The following NLGN1 variants were observed in gnomAD, a reference collection of about 807,000 sequenced individuals.
NLGN1 encodes neuroligin 1.
A neutral mutation model predicts 65.5 loss-of-function variants in NLGN1; 12 were observed. The observed-to-expected ratio is 0.18, with a 90% confidence interval of 0.12 to 0.30. The LOEUF (loss-of-function observed/expected upper bound fraction) is 0.30. Among genes scored for constraint, NLGN1 ranks in the 10% least tolerant of loss-of-function variants. NLGN1 has a pLI of 1.00. For synonymous variants in NLGN1, 350 were observed against 359.5 expected, an observed-to-expected ratio of 0.97 and a Z score of 0.30; for missense variants, 750 against 1,007.1, an observed-to-expected ratio of 0.74 and a Z score of 3.46.
At chr3:173,710,192 C>T (rs1768731752) in intron 3 of NLGN1, among the ~76,000 whole-genome samples, 1 of 152,022 alleles carries the variant, frequency 6.6e-6, no homozygotes, top group African/African-American at 2.4e-5. Flanking sequence ...CCAAAAGATA[C>T]AGTAGATGAT....
intron 4 of NLGN1, among the ~76,000 whole-genome samples, chr3:174,132,884 A>C (rs1399504190): frequency 1.3e-5 from 2 of 152,208 alleles, no homozygotes; most frequent in East Asian, 3.9e-4. Context: ...AGGATCTACT[A>C]GGGTCACTCT....
chr3:173,942,412 G>A (rs903495611), intron 4 of NLGN1, among the ~76,000 whole-genome samples: 1 of 151,962 alleles, frequency 6.6e-6, no homozygotes, highest in Non-Finnish European at 1.5e-5. Context: ...ATTCAGTGAC[G>A]ACTGACCTAG....
chr3:174,123,337 T>C (rs1718176990), intron 4 of NLGN1, among the ~76,000 whole-genome samples: 1 of 152,114 alleles, frequency 6.6e-6, no homozygotes, highest in Non-Finnish European at 1.5e-5. Context: ...ATGCATCGTC[T>C]GTGGTTGTCA....
At chr3:173,561,275 G>A (rs1350626884) in intron 2 of NLGN1, among the ~76,000 whole-genome samples, 3 of 152,180 alleles carry the variant, frequency 2.0e-5, no homozygotes, top group Non-Finnish European at 4.4e-5. Flanking sequence ...GTCTGAGGAA[G>A]CGTTGCCTTT....
intron 4 of NLGN1, among the ~76,000 whole-genome samples, chr3:174,237,197 C>T (rs557123806): frequency 1.3e-5 from 2 of 151,682 alleles, no homozygotes; most frequent in Non-Finnish European, 2.9e-5. Flanking sequence ...ACTTTTATTC[C>T]CTGCCATCCC....
intron 4 of NLGN1, among the ~76,000 whole-genome samples, chr3:174,161,659 A>C (rs1274245120): frequency 6.6e-6 from 1 of 151,882 alleles, no homozygotes; most frequent in Non-Finnish European, 1.5e-5. Flanking sequence ...AGGGGTAAGG[A>C]AGAAAGGTTA....
chr3:173,763,851 T>A (rs1220156686), intron 3 of NLGN1, among the ~76,000 whole-genome samples: 3 of 152,172 alleles, frequency 2.0e-5, no homozygotes, highest in African/African-American at 7.2e-5. Context: ...TGAGGAATGT[T>A]AATGAAAGAA....
At chr3:173,938,883 C>A (rs1203434535) in intron 4 of NLGN1, among the ~76,000 whole-genome samples, 1 of 152,082 alleles carries the variant, frequency 6.6e-6, no homozygotes, top group Non-Finnish European at 1.5e-5. Flanking sequence ...GGATGGTGAT[C>A]TATAGCCCAC....
chr3:174,105,194 A>G (rs1713443757), intron 4 of NLGN1, among the ~76,000 whole-genome samples: 1 of 152,104 alleles, frequency 6.6e-6, no homozygotes, highest in South Asian at 2.1e-4. Flanking sequence ...ATGACTGGAT[A>G]TGAAAGTTGC....
At chr3:174,191,076 C>G (rs1732309856) in intron 4 of NLGN1, among the ~76,000 whole-genome samples, 1 of 152,010 alleles carries the variant, frequency 6.6e-6, no homozygotes, top group Non-Finnish European at 1.5e-5. Flanking sequence ...TTTCAGTTAG[C>G]AGAAGCCTTT....
intron 4 of NLGN1, among the ~76,000 whole-genome samples, chr3:173,905,393 C>T (rs189698613): frequency 2.6e-5 from 4 of 151,986 alleles, no homozygotes; most frequent in Admixed American, 1.3e-4. Flanking sequence ...TAAAGCAATA[C>T]GTTAAGAAAG....
At chr3:173,605,188 G>A (rs997952966) in intron 3 of NLGN1, 97 bp downstream of exon 2, 8 of 1,006,900 alleles carry the variant, frequency 7.9e-6, no homozygotes, top group Non-Finnish European at 1.1e-5. Context: ...TAGTATGCAT[G>A]GCTTTTCCTG....
intron 4 of NLGN1, among the ~76,000 whole-genome samples, chr3:173,917,422 G>A (rs1472079796): frequency 1.3e-5 from 2 of 151,998 alleles, no homozygotes; most frequent in Admixed American, 6.6e-5. Flanking sequence ...ATAGTGATTG[G>A]CATAACACCA....
At chr3:173,485,343 G>A (rs1728007026) in intron 2 of NLGN1, among the ~76,000 whole-genome samples, 1 of 151,906 alleles carries the variant, frequency 6.6e-6, no homozygotes, top group South Asian at 2.1e-4. Context: ...ACATAACACA[G>A]ATTATAAAAA....
chr3:173,665,325 G>A (rs1761544220), intron 3 of NLGN1, among the ~76,000 whole-genome samples: 1 of 152,072 alleles, frequency 6.6e-6, no homozygotes, highest in Admixed American at 6.6e-5. Flanking sequence ...TGTGAAGAAG[G>A]ACGTAGTTGC....
rs536281636 is a variant in NLGN1, at chr3:173,939,560, A to G, written c.646+131728A>G. Among the ~76,000 whole-genome samples, 11 of 152,328 alleles carry G rather than the reference A, an allele frequency of 7.2e-5. No homozygotes were observed. In the South Asian group the frequency reaches 2.3e-3, roughly 32 times the overall value. ...GAAACTGAAAGATTTTCCCTTTGTG[A>G]CAGTCTGTATATGTGTGATAGGATT... On this transcript the variant is annotated intron_variant, in intron 4 of 6. Transcript: ENST00000457714.
chr3:174,235,261 C>T (rs1014501753), intron 4 of NLGN1, among the ~76,000 whole-genome samples: 1 of 151,906 alleles, frequency 6.6e-6, no homozygotes, highest in Non-Finnish European at 1.5e-5. Flanking sequence ...CCTCCTTACC[C>T]CTCCTTCATA....
chr3:173,681,106 G>A (rs1763886972), intron 3 of NLGN1, among the ~76,000 whole-genome samples: 1 of 152,142 alleles, frequency 6.6e-6, no homozygotes, highest in African/African-American at 2.4e-5. Flanking sequence ...TGGACTGACT[G>A]TTAACTTTGT....
intron 3 of NLGN1, among the ~76,000 whole-genome samples, chr3:173,615,385 G>A (rs892039269): frequency 1.3e-5 from 2 of 152,042 alleles, no homozygotes; most frequent in Non-Finnish European, 2.9e-5. Flanking sequence ...CCCTCAGAGG[G>A]TTTATTTACA....
Sources: gnomAD v4.1 joint callset for allele counts (sites outside exome capture counted in the v4.1 genomes callset) on GRCh38, gnomAD v4.1.1 for gene constraint, MANE v1.5 for transcripts, NCBI Gene and HGNC (gene_info 2026-07-23, HGNC 2026-07-21) for gene names.